The following TMPRSS15 variants were observed in gnomAD, a reference collection of about 807,000 sequenced individuals.
TMPRSS15 encodes enteropeptidase.
A neutral mutation model predicts 125.3 loss-of-function variants in TMPRSS15; 128 were observed. The observed-to-expected ratio is 1.02, with a 90% CI of 0.89 to 1.18. The LOEUF (loss-of-function observed/expected upper bound fraction) is 1.18. Among genes scored for constraint, TMPRSS15 ranks in the 50% most tolerant of loss-of-function variants. The pLI is 0.00. For synonymous variants in TMPRSS15, 446 were observed against 423.2 expected (o/e 1.05, Z -0.66); for missense variants, 1,283 against 1,212.7 (o/e 1.06, Z -0.86).
intron 1 of TMPRSS15, among the ~76,000 whole-genome samples, chr21:18,447,804 G>T (rs939139895): frequency 1.3e-5 from 2 of 152,044 alleles, no homozygotes; most frequent in South Asian, 4.1e-4. Context: ...GTGTGAGTTC[G>T]TTAAGCCTCT....
intron 22 of TMPRSS15, 55 bp downstream of exon 22, chr21:18,280,985 A>C: frequency 6.5e-7 from 1 of 1,542,016 alleles, no homozygotes; most frequent in South Asian, 1.1e-5. Context: ...TTTGAAATCT[A>C]GTTTTGAATT....
chr21:18,465,771 C>T (rs1040509601), intron 1 of TMPRSS15, among the ~76,000 whole-genome samples: 2 of 152,114 alleles, frequency 1.3e-5, no homozygotes, highest in African/African-American at 4.8e-5. Context: ...AGGACACAAA[C>T]AAATGGAAAA....
At chr21:18,323,179 T>C (rs1569007932) in intron 16 of TMPRSS15, among the ~76,000 whole-genome samples, 1 of 152,188 alleles carries the variant, frequency 6.6e-6, no homozygotes, top group African/African-American at 2.4e-5. Flanking sequence ...AAAAATTTTG[T>C]TTCAAGATGC....
intron 23 of TMPRSS15, among the ~76,000 whole-genome samples, chr21:18,276,721 G>A (rs2074625287): frequency 6.8e-6 from 1 of 146,020 alleles, no homozygotes; most frequent in African/African-American, 2.5e-5. Context: ...TAATCAATTA[G>A]TATAATATAC....
chr21:18,322,518 C>G (rs926570051), intron 16 of TMPRSS15, among the ~76,000 whole-genome samples: 1 of 152,108 alleles, frequency 6.6e-6, no homozygotes. Flanking sequence ...AAAATGGTAT[C>G]TTTGCATAAT....
intron 7 of TMPRSS15, among the ~76,000 whole-genome samples, chr21:18,363,755 T>C (rs2075699490): frequency 6.6e-6 from 1 of 152,108 alleles, no homozygotes; most frequent in African/African-American, 2.4e-5. Flanking sequence ...ATGCTTTATA[T>C]AGATATATAA....
intron 10 of TMPRSS15, among the ~76,000 whole-genome samples, chr21:18,345,760 A>AAAAAAAAAAAAAAAAAAAAC: frequency 6.9e-6 from 1 of 145,104 alleles, no homozygotes; most frequent in Non-Finnish European, 1.5e-5. Flanking sequence ...AAAAAAAAAA[A>AAAAAAAAAAAAAAAAAAAAC]AATCCACTGA....
At chr21:18,315,379 C>G (rs2075152440) in intron 16 of TMPRSS15, 123 bp from the exon 17 acceptor site, 2 of 758,362 alleles carry the variant, frequency 2.6e-6, no homozygotes, top group African/African-American at 3.5e-5. Flanking sequence ...GTGGAACCAG[C>G]TTTGATACTG....
chr21:18,454,025 AT>A (rs1978391276), intron 1 of TMPRSS15, among the ~76,000 whole-genome samples: 1 of 152,136 alleles, frequency 6.6e-6, no homozygotes, highest in South Asian at 2.1e-4. Flanking sequence ...TTTTACTTTG[AT>A]TTATTGAGAT....
At position 18,352,989 on chromosome 21, in the gene TMPRSS15, T is replaced by A; in HGVS notation, c.1085A>T (p.Asp362Val). The change falls in exon 10 of 25, where the codon GAT (aspartate) becomes GTT (valine). Residue 362 changes from aspartate (D) to valine (V), a missense_variant. Asp to Val is a radical substitution (Grantham distance 152). Transcript: ENST00000284885. ...CTGAATCCTTTCCCATTCATTATCA[T>A]CATTTAGATCCTGGACCCAGAAACA... ...GFCFWVQDLN[D>V]DNEWERIQGS... 1 of 1,611,960 alleles carries A rather than the reference T, an allele frequency of 6.2e-7. No individual in the cohort carries two copies. The highest frequency in any genetic ancestry group is 8.5e-7 in the Non-Finnish European group (1 of 1,178,852).
chr21:18,379,570 A>C (rs1601414562), intron 4 of TMPRSS15, among the ~76,000 whole-genome samples: 1 of 152,250 alleles, frequency 6.6e-6, no homozygotes, highest in African/African-American at 2.4e-5. Flanking sequence ...TAACTAAAGA[A>C]GACAAGGTTA....
At chr21:18,358,927 G>A (rs1216111398) in intron 8 of TMPRSS15, among the ~76,000 whole-genome samples, 3 of 152,032 alleles carry the variant, frequency 2.0e-5, no homozygotes, top group African/African-American at 7.2e-5. Context: ...TGAGAGGCAA[G>A]GTTCTTAAAA....
chr21:18,314,345 C>A (rs1356113716), intron 17 of TMPRSS15, among the ~76,000 whole-genome samples: 3 of 152,104 alleles, frequency 2.0e-5, no homozygotes, highest in African/African-American at 7.2e-5. Context: ...ATGGCATGAT[C>A]TGGGCTCACT....
intron 21 of TMPRSS15, among the ~76,000 whole-genome samples, chr21:18,283,606 G>A (rs1009287394): frequency 1.3e-5 from 2 of 151,744 alleles, no homozygotes; most frequent in African/African-American, 2.4e-5. Context: ...TGCTCACAGT[G>A]TATGAGATCA....
intron 1 of TMPRSS15, among the ~76,000 whole-genome samples, chr21:18,409,449 G>A (rs2076160031): frequency 2.0e-5 from 3 of 151,932 alleles, no homozygotes; most frequent in African/African-American, 7.2e-5. Context: ...AATGGGGTTA[G>A]GGTCCAATTT....
At chr21:18,304,488 A>C (rs2824726) in intron 18 of TMPRSS15, among the ~76,000 whole-genome samples, 20,065 of 152,192 alleles carry the variant, frequency 0.13, 1,346 homozygotes, top group Middle Eastern at 0.22. Context: ...AATCCATGGA[A>C]GTTCATGATA....
intron 1 of TMPRSS15, among the ~76,000 whole-genome samples, chr21:18,433,681 A>AAAAAG (rs2076221551): frequency 6.6e-6 from 1 of 151,230 alleles, no homozygotes; most frequent in African/African-American, 2.4e-5. Flanking sequence ...AAAAAAAAAA[A>AAAAAG]AAAAAGAAAA....
At chr21:18,313,117 G>T in intron 17 of TMPRSS15, 40 bp from the exon 18 acceptor site, 2 of 1,426,506 alleles carry the variant, frequency 1.4e-6, no homozygotes, top group South Asian at 1.1e-5. Flanking sequence ...ACCAGAGACT[G>T]AAGGGTGCGG....
intron 1 of TMPRSS15, among the ~76,000 whole-genome samples, chr21:18,479,433 T>C (rs1187205446): frequency 2.6e-5 from 4 of 151,960 alleles, no homozygotes; most frequent in Non-Finnish European, 5.9e-5. Flanking sequence ...ACTACCTAAC[T>C]GGGCATCATA....
Sources: allele counts gnomAD v4.1 joint callset (sites outside exome capture counted in the v4.1 genomes callset), GRCh38; gene constraint gnomAD v4.1.1; transcripts MANE v1.5; gene names NCBI Gene and HGNC (gene_info 2026-07-23, HGNC 2026-07-21).